BIRC6: variants seen among roughly 807,000 people sequenced by gnomAD.
BIRC6 encodes dual E2 ubiquitin-conjugating enzyme/E3 ubiquitin-protein ligase BIRC6.
In BIRC6, 98 loss-of-function variants were observed where a neutral mutation model predicts 503.3. The observed-to-expected ratio is 0.19, with a 90% CI of 0.17 to 0.23. The LOEUF (loss-of-function observed/expected upper bound fraction) is 0.23. BIRC6 is among the 10% of genes least tolerant of loss of function. BIRC6 has a pLI of 1.00. For synonymous variants in BIRC6, 2,240 were observed against 2,078.7 expected, an observed-to-expected ratio of 1.08 and a Z score of -2.11; for missense variants, 5,360 against 5,806.0, an observed-to-expected ratio of 0.92 and a Z score of 2.50.
chr2:32,611,423 G>T lies in BIRC6; in HGVS notation c.14260-25G>T, dbSNP rs1243531800. The stretch of plus-strand genomic sequence containing the variant: ...TTAAATTTGACTGTAAACACTGCTT[G>T]TTCTCCTGTTTACTTTTTCTCAAGG... On this transcript the variant is annotated intron_variant, in intron 72 of 73. Transcript: ENST00000421745. The T allele has an allele frequency of 2.5e-6, 4 of 1,583,026 alleles. No homozygotes were observed. The South Asian group carries it at 4.7e-5, about 18-fold the overall frequency.
intron 1 of BIRC6, among the ~76,000 whole-genome samples, chr2:32,367,084 A>G (rs1285815153): frequency 2.0e-5 from 3 of 152,226 alleles, no homozygotes; most frequent in Non-Finnish European, 2.9e-5. Context: ...AGAATATCAT[A>G]TAGAGATACA....
chr2:32,425,712 G>C (rs905353602), intron 10 of BIRC6, among the ~76,000 whole-genome samples: 1 of 152,112 alleles, frequency 6.6e-6, no homozygotes, highest in African/African-American at 2.4e-5. Flanking sequence ...TCCTGTTTCG[G>C]CTTTGTCCCC....
Position 32,433,664 on chromosome 2 carries a change from T to C in BIRC6, c.3269T>C (p.Val1090Ala). The change falls in exon 13 of 74, where the codon GTA (valine) becomes GCA (alanine). Residue 1090 changes from valine to alanine, a missense_variant. By Grantham distance (64) the Val-to-Ala change is moderately conservative. Transcript: ENST00000421745. Reference sequence around the variant, plus strand: ...GACAGCAACAGCTGGGATGAACATGTATTTGAATTAGTACTACCTAAAGCT... The same window carrying C: ...GACAGCAACAGCTGGGATGAACATGCATTTGAATTAGTACTACCTAAAGCT... ...QTDSNSWDEHVFELVLPKACM... is the reference protein window; with the variant it reads ...QTDSNSWDEHAFELVLPKACM... The C allele has an allele frequency of 6.4e-7, 1 of 1,569,034 alleles. No homozygotes were observed. Among genetic ancestry groups the C allele is most frequent in the Non-Finnish European group, 8.7e-7 (1 of 1,148,564 alleles).
chr2:32,511,183 AT>A (rs1230266664), intron 53 of BIRC6, among the ~76,000 whole-genome samples: 1 of 58,656 alleles, frequency 1.7e-5, no homozygotes, highest in African/African-American at 6.6e-5. Context: ...ATATTTAGTG[AT>A]TTTTTTCTTT....
chr2:32,489,065 C>G (rs1201419078), intron 42 of BIRC6, among the ~76,000 whole-genome samples: 1 of 151,210 alleles, frequency 6.6e-6, no homozygotes, highest in Non-Finnish European at 1.5e-5. Flanking sequence ...TATGAGTTAG[C>G]CCCTGGAGGA....
chr2:32,485,596 A>T (rs1339998005), intron 39 of BIRC6, 47 bp from the exon 40 acceptor site: 1 of 1,238,618 alleles, frequency 8.1e-7, no homozygotes, highest in African/African-American at 1.5e-5. Flanking sequence ...GTAGGACATG[A>T]GTAATAATTG....
chr2:32,366,496 A>G (rs530888736), intron 1 of BIRC6, among the ~76,000 whole-genome samples: 84 of 152,308 alleles, frequency 5.5e-4, no homozygotes, highest in African/African-American at 1.9e-3. Context: ...TTGTAACTAT[A>G]CTTACATTGT....
At chr2:32,546,984 C>A (rs1216196562) in intron 63 of BIRC6, among the ~76,000 whole-genome samples, 1 of 152,140 alleles carries the variant, frequency 6.6e-6, no homozygotes, top group African/African-American at 2.4e-5. Context: ...GAGGCTGAGG[C>A]AGGTGAATCT....
At position 32,543,362 on chromosome 2, in the gene BIRC6, C is replaced by T. The variant is rs1461940112; in HGVS notation, c.12413C>T (p.Ala4138Val). ...LVYEAPETVA[A>V]EPPPIKSAVQ... is the part of the protein sequence containing the mutation. Reference sequence around the variant, plus strand: ...TATGAAGCACCAGAAACTGTTGCGGCTGAACCTCCACCTATCAAGTCAGCA... The same window carrying T: ...TATGAAGCACCAGAAACTGTTGCGGTTGAACCTCCACCTATCAAGTCAGCA... Residue 4138 changes from alanine to valine, a missense_variant, in exon 62 of 74, where the codon GCT becomes GTT. By Grantham distance (64) the Ala-to-Val change is moderately conservative. Around this residue, in one of 16 missense-constraint regions of BIRC6, gnomAD observed 477 missense variants for 574.4 expected, o/e 0.83. Transcript: ENST00000421745. 1 of 1,614,018 alleles carries T rather than the reference C, an allele frequency of 6.2e-7. No homozygotes were observed. The highest frequency in any genetic ancestry group is 1.1e-5 in the South Asian group (1 of 91,084).
At chr2:32,370,772 G>A (rs911364775) in intron 1 of BIRC6, among the ~76,000 whole-genome samples, 1 of 152,118 alleles carries the variant, frequency 6.6e-6, no homozygotes, top group East Asian at 1.9e-4. Flanking sequence ...ATACAGGCTT[G>A]TATCTTCTTT....
At position 32,514,976 on chromosome 2, in the gene BIRC6, CT is replaced by C; in HGVS notation, c.10569-10del. On this transcript the variant is annotated splice_polypyrimidine_tract_variant and intron_variant, in intron 54 of 73. Transcript: ENST00000421745. ...TATACTTGTATCATTAATATGATATCTTTTATTTTTTAGGTTACTTTTTAAT... is the reference window on the plus strand; with the variant it reads ...TATACTTGTATCATTAATATGATATCTTTATTTTTTAGGTTACTTTTTAAT... The C allele has an allele frequency of 6.3e-7, 1 of 1,579,520 alleles. No individual in the cohort carries two copies. The highest frequency in any genetic ancestry group is 8.7e-7 in the Non-Finnish European group (1 of 1,154,544).
chr2:32,494,496 G>C (rs2052182701), intron 45 of BIRC6, among the ~76,000 whole-genome samples: 1 of 151,932 alleles, frequency 6.6e-6, no homozygotes, highest in African/African-American at 2.4e-5. Flanking sequence ...AAAGTGCTGG[G>C]ATTACAGGTG....
intron 38 of BIRC6, 141 bp downstream of exon 38, chr2:32,481,594 G>C: frequency 1.6e-6 from 1 of 617,322 alleles, no homozygotes; most frequent in Non-Finnish European, 2.4e-6. Context: ...GTGAAATCCC[G>C]TCTCTACTAA....
At chr2:32,451,313 G>A (rs575930949) in intron 22 of BIRC6, among the ~76,000 whole-genome samples, 39 of 150,778 alleles carry the variant, frequency 2.6e-4, no homozygotes, top group South Asian at 6.2e-4. Context: ...GTCTTTTTTG[G>A]CCCTGTGATT....
At chr2:32,443,380 T>C in intron 19 of BIRC6, 111 bp from the exon 20 acceptor site, 2 of 674,948 alleles carry the variant, frequency 3.0e-6, no homozygotes, top group Middle Eastern at 3.5e-4. Context: ...GGTTTTTCTT[T>C]TAATCGGTAT....
intron 1 of BIRC6, among the ~76,000 whole-genome samples, chr2:32,375,740 T>G (rs1360729135): frequency 9.0e-6 from 1 of 111,678 alleles, no homozygotes; most frequent in African/African-American, 4.1e-5. Context: ...TTTCTTTCTC[T>G]CTCTTTTTTT....
intron 22 of BIRC6, among the ~76,000 whole-genome samples, chr2:32,449,714 A>G (rs1328013486): frequency 2.0e-5 from 3 of 152,238 alleles, no homozygotes; most frequent in Non-Finnish European, 2.9e-5. Context: ...ACAAAAATAT[A>G]AATGAAATGT....
intron 12 of BIRC6, among the ~76,000 whole-genome samples, chr2:32,431,490 C>G (rs1423725315): frequency 6.6e-6 from 1 of 152,070 alleles, no homozygotes; most frequent in Non-Finnish European, 1.5e-5. Context: ...GCCACCATGC[C>G]TGGCCTGTTT....
At chr2:32,611,108 C>CTTTTTTTTTTTTTTTTTT (rs1245765148) in intron 72 of BIRC6, among the ~76,000 whole-genome samples, 13 of 126,152 alleles carry the variant, frequency 1.0e-4, no homozygotes, top group Admixed American at 6.7e-4. Context: ...ATTAAATTGC[C>CTTTTTTTTTTTTTTTTTT]TTTTTTTTTT....
Sources: allele counts gnomAD v4.1 joint callset (sites outside exome capture counted in the v4.1 genomes callset), GRCh38; gene constraint gnomAD v4.1.1; regional missense constraint gnomAD v4.1.1; transcripts MANE v1.5; gene names NCBI Gene and HGNC (gene_info 2026-07-23, HGNC 2026-07-21).